DPYSL2: variants seen among roughly 807,000 people sequenced by gnomAD.
The protein encoded by DPYSL2 is dihydropyrimidinase like 2.
A neutral mutation model predicts 69.9 loss-of-function variants in DPYSL2; 13 were observed. The ratio of observed to expected loss-of-function variants is 0.19; its 90% confidence interval spans 0.12 to 0.30. The LOEUF is 0.30. Among genes scored for constraint, DPYSL2 ranks in the 10% least tolerant of loss-of-function variants. DPYSL2 has a pLI of 1.00. For synonymous variants in DPYSL2, 326 were observed against 359.1 expected (o/e 0.91, Z 1.04); for missense variants, 587 against 918.9 (o/e 0.64, Z 4.67).
chr8:26,531,056 C>T (rs1439759313), intron 1 of DPYSL2, among the ~76,000 whole-genome samples: 1 of 92,002 alleles, frequency 1.1e-5, no homozygotes, highest in Non-Finnish European at 2.4e-5. Context: ...AAGACCTCGT[C>T]TCAAAGAAAA....
intron 1 of DPYSL2, among the ~76,000 whole-genome samples, chr8:26,532,767 C>A (rs984498469): frequency 1.3e-5 from 2 of 152,094 alleles, no homozygotes; most frequent in Admixed American, 1.3e-4. Context: ...TAAATTCATT[C>A]ATCAGTTGAC....
chr8:26,616,948 C>T (rs1563411260), intron 3 of DPYSL2, among the ~76,000 whole-genome samples: 1 of 152,194 alleles, frequency 6.6e-6, no homozygotes, highest in Non-Finnish European at 1.5e-5. Flanking sequence ...CTCTCCCCTC[C>T]CTCCTGCTCC....
rs149552105 is a variant in DPYSL2 at position 26,650,737 on chromosome 8, G to A, written c.1597-1520G>A. Among the ~76,000 whole-genome samples the A allele has an allele frequency of 4.6e-3, 694 of 152,360 alleles. 2 individuals are homozygous for A. The highest frequency in any genetic ancestry group is 0.02 in the Middle Eastern group (6 of 294). On this transcript the variant is annotated intron_variant, in intron 11 of 13. Transcript: ENST00000521913. The surrounding 1 kb of genome is among the most constrained non-coding windows in gnomAD (Gnocchi z 5.3). ...GGGGAGACCATCTGCTGTGCAGACA[G>A]GGGTGGCAGAAAATCTCGCAGGCCT...
rs892917063 is a variant in DPYSL2, at chr8:26,585,928, A to G, written c.628+1945A>G. ...GGAATTTGAGACTAGCCTGGCCAATATGGCGAATCTACTACAAATACAAAA... is the reference window on the plus strand; with the variant it reads ...GGAATTTGAGACTAGCCTGGCCAATGTGGCGAATCTACTACAAATACAAAA... On this transcript the variant is annotated intron_variant, in intron 3 of 13. Transcript: ENST00000521913. This position sits in a 1 kb window ranked among gnomAD's most constrained non-coding sequence, Gnocchi z 4.0. 1.3e-5 allele frequency among the ~76,000 whole-genome samples: 2 copies of G among 152,128 alleles called. No homozygotes were observed. The highest frequency in any genetic ancestry group is 4.8e-5 in the African/African-American group (2 of 41,440).
chr8:26,567,375 C>T (rs1801169650), intron 1 of DPYSL2, among the ~76,000 whole-genome samples: 1 of 141,196 alleles, frequency 7.1e-6, no homozygotes, highest in Admixed American at 7.1e-5. Flanking sequence ...CATCCATCTG[C>T]CCACCCAACT....
intron 1 of DPYSL2, among the ~76,000 whole-genome samples, chr8:26,523,167 A>ATT (rs773364381): frequency 2.1e-4 from 31 of 149,938 alleles, no homozygotes; most frequent in Non-Finnish European, 3.8e-4. Context: ...ATATATATAT[A>ATT]TATTTTTAAA....
chr8:26,529,237 T>A (rs980328567), intron 1 of DPYSL2, among the ~76,000 whole-genome samples: 1 of 83,374 alleles, frequency 1.2e-5, no homozygotes, highest in Admixed American at 1.6e-4. Context: ...AATTTAAATC[T>A]ATCTATCTAT....
chr8:26,634,574 G>A (rs1455553648), intron 7 of DPYSL2, among the ~76,000 whole-genome samples: 1 of 151,986 alleles, frequency 6.6e-6, no homozygotes, highest in Admixed American at 6.6e-5. Flanking sequence ...GAGCCACTGT[G>A]TCCAGCCACA....
In DPYSL2 at chr8:26,648,411, T is replaced by C. The variant is rs1164961520; in HGVS notation, c.1596+611T>C. The stretch of plus-strand genomic sequence containing the variant: ...TAGAGCTTAGAGATGTCCTCTCTTG[T>C]TAACAGGACCCAGGGCAAGTCTGTT... On this transcript the variant is annotated intron_variant, in intron 11 of 13. Coordinates refer to ENST00000521913, the MANE Select transcript of DPYSL2 (RefSeq NM_001197293.3). The surrounding 1 kb of genome is among the most constrained non-coding windows in gnomAD (Gnocchi z 4.3). Among the ~76,000 whole-genome samples the C allele has an allele frequency of 6.6e-6, 1 of 152,174 alleles. No individual in the cohort carries two copies. The highest frequency in any genetic ancestry group is 1.5e-5 in the Non-Finnish European group (1 of 68,024).
Position 26,617,480 on chromosome 8 carries a change from G to A in DPYSL2, c.629-6663G>A, listed in dbSNP as rs1389693854. ...ACTGCACTCCAGCCTGGGTGCCAGA[G>A]CGAGACGCCTTCTCAACAAAAGAAA... On this transcript the variant is annotated intron_variant, in intron 3 of 13. Transcript: ENST00000521913. The surrounding 1 kb of genome is among the most constrained non-coding windows in gnomAD (Gnocchi z 4.7). Among the ~76,000 whole-genome samples, 2 of 152,112 alleles carry A rather than the reference G, an allele frequency of 1.3e-5. No homozygotes were observed. Among genetic ancestry groups the A allele is most frequent in the Non-Finnish European group, 2.9e-5 (2 of 68,034 alleles).
chr8:26,600,530 A>G (rs1353001155), intron 3 of DPYSL2, among the ~76,000 whole-genome samples: 1 of 152,080 alleles, frequency 6.6e-6, no homozygotes, highest in African/African-American at 2.4e-5. Flanking sequence ...CTTTAATTTT[A>G]GGCTTTATTT....
rs897922453 is a variant in DPYSL2 at position 26,547,757 on chromosome 8, C to T, written c.354+33078C>T. The T allele has an allele frequency of 4.2e-5, 12 of 284,830 alleles. No individual in the cohort carries two copies. The East Asian group carries it at 5.0e-4, about 12-fold the overall frequency. 17.6% of individuals were successfully genotyped at this position (284,830 alleles called of 1,614,324 possible). A position where few individuals can be genotyped will look rare whatever the true frequency, so the allele number is the denominator to read the frequency against. On this transcript the variant is annotated intron_variant, in intron 1 of 13. Transcript: ENST00000521913. ...CTGAGCGGGAAGGCCTGCAAGCAGGCGGAGGTCTTCAGGCAAAATCTTTTC... is the reference window on the plus strand; with the variant it reads ...CTGAGCGGGAAGGCCTGCAAGCAGGTGGAGGTCTTCAGGCAAAATCTTTTC...
intron 3 of DPYSL2, among the ~76,000 whole-genome samples, chr8:26,607,282 C>A (rs920035053): frequency 1.3e-5 from 2 of 150,864 alleles, no homozygotes; most frequent in South Asian, 2.1e-4. Context: ...ATCAGGAGTT[C>A]GAGACCAGCC....
At chr8:26,622,163 C>T (rs1452062383) in intron 3 of DPYSL2, among the ~76,000 whole-genome samples, 6 of 68,474 alleles carry the variant, frequency 8.8e-5, no homozygotes, top group African/African-American at 1.6e-4. Flanking sequence ...CCTTCCCTCT[C>T]TCTCTCTTTC....
chr8:26,653,200 G>T lies in DPYSL2; in HGVS notation c.1777-32G>T. 6.2e-7 allele frequency: 1 copy of T among 1,607,222 alleles called. No individual in the cohort carries two copies. The highest frequency in any genetic ancestry group is 1.7e-5 in the Admixed American group (1 of 59,630). ...TAGAGAGGTATCCTCTGTGGCTGTG[G>T]CCTGAGCTGGGGGGACTCTTGTGTT... On this transcript the variant is annotated intron_variant, in intron 12 of 13. Transcript: ENST00000521913. This position sits in a 1 kb window ranked among gnomAD's most constrained non-coding sequence, Gnocchi z 5.7.
chr8:26,649,196 A>G (rs1478248988), intron 11 of DPYSL2, among the ~76,000 whole-genome samples: 4 of 152,244 alleles, frequency 2.6e-5, no homozygotes, highest in Non-Finnish European at 1.5e-5. Context: ...GTCTAATGTT[A>G]CATAGCGATT....
rs1008813024 is a variant in DPYSL2, at chr8:26,593,287, A to G, written c.628+9304A>G. ...AGAATCCCCTGGGGAGTTGTAACAA[A>G]ATGCAGAGACCAGACCTTCTGACTT... On this transcript the variant is annotated intron_variant, in intron 3 of 13. Coordinates refer to ENST00000521913, the MANE Select transcript of DPYSL2 (RefSeq NM_001197293.3). The surrounding 1 kb of genome is among the most constrained non-coding windows in gnomAD (Gnocchi z 5.7). Among the ~76,000 whole-genome samples the G allele has an allele frequency of 5.9e-5, 9 of 152,176 alleles. No individual in the cohort carries two copies. Among genetic ancestry groups the G allele is most frequent in the Middle Eastern group, 3.4e-3 (1 of 294 alleles).
chr8:26,538,178 A>G (rs550957120), intron 1 of DPYSL2, among the ~76,000 whole-genome samples: 2 of 152,306 alleles, frequency 1.3e-5, no homozygotes, highest in East Asian at 1.9e-4. Context: ...TGTAATGTCA[A>G]TTAAGAAAAA....
At position 26,643,918 on chromosome 8, in the gene DPYSL2, C is replaced by T. The variant is rs1363842151; in HGVS notation, c.1284-32C>T. On this transcript the variant is annotated intron_variant, in intron 9 of 13. Transcript: ENST00000521913. This position sits in a 1 kb window ranked among gnomAD's most constrained non-coding sequence, Gnocchi z 6.5. The stretch of plus-strand genomic sequence containing the variant: ...GTAGGCGCACAGCATCTTGACGAAG[C>T]TGCAGCACCACGTTATGCATTTTCT... 2 of 1,606,456 alleles carry T rather than the reference C, an allele frequency of 1.2e-6. No homozygotes were observed. Among genetic ancestry groups the T allele is most frequent in the Non-Finnish European group, 8.5e-7 (1 of 1,175,316 alleles).
Sources: gnomAD v4.1 joint callset for allele counts (sites outside exome capture counted in the v4.1 genomes callset) on GRCh38, gnomAD v4.1.1 for gene constraint, Gnocchi (gnomAD v3.1) non-coding constraint, MANE v1.5 for transcripts, NCBI Gene and HGNC (gene_info 2026-07-23, HGNC 2026-07-21) for gene names.